The following CD36 variants were observed in gnomAD, a reference collection of about 807,000 sequenced individuals.
CD36 encodes the protein platelet glycoprotein 4.
A neutral mutation model predicts 55.2 loss-of-function variants in CD36; 119 were observed. That is an observed-to-expected ratio of 2.15 (90% CI 1.86 to 2.51). CD36 has a LOEUF of 2.51. Ranked by LOEUF, CD36 falls within the 30% of genes most tolerant of loss-of-function variation. The pLI, the probability that CD36 is intolerant of heterozygous loss-of-function variation, is 0.00. For synonymous variants in CD36, 186 were observed against 193.6 expected (o/e 0.96, Z 0.33); for missense variants, 819 against 555.5 (o/e 1.47, Z -4.77).
At chr7:80,656,150 CT>C (rs1201804165) in intron 3 of CD36, among the ~76,000 whole-genome samples, 1 of 152,096 alleles carries the variant, frequency 6.6e-6, no homozygotes, top group African/African-American at 2.4e-5. Context: ...ATCAGTCCAA[CT>C]TAGGGGCAGA....
At chr7:80,624,334 T>G (rs1461354623) in intron 1 of CD36, 1 of 152,162 alleles carries the variant, frequency 6.6e-6, no homozygotes, top group African/African-American at 2.4e-5. Context: ...TGCATTTCTC[T>G]CTCTTCTCTC....
At chr7:80,624,950 C>T (rs1186466626) in intron 1 of CD36, 7 of 152,088 alleles carry the variant, frequency 4.6e-5, no homozygotes, top group Non-Finnish European at 7.3e-5. Context: ...AGAGGTCACA[C>T]GCAGTCTCTG....
At chr7:80,667,742 CTTTTGTT>C (rs1263011667) in intron 8 of CD36, among the ~76,000 whole-genome samples, 1 of 92,940 alleles carries the variant, frequency 1.1e-5, no homozygotes, top group African/African-American at 3.8e-5. Flanking sequence ...CAGGGGTTTT[CTTTTGTT>C]TTTTTTTTTT....
intron 1 of CD36, among the ~76,000 whole-genome samples, chr7:80,626,412 G>A (rs1032304457): frequency 6.6e-6 from 1 of 152,060 alleles, no homozygotes; most frequent in East Asian, 1.9e-4. Context: ...ACTGTCTGCC[G>A]GTTACCAGGC....
chr7:80,671,134 G>GT lies in CD36; in HGVS notation c.976_977insT (p.Gly326ValfsTer27). 6.2e-7 allele frequency: 1 copy of GT among 1,612,570 alleles called. No individual in the cohort carries two copies. The highest frequency in any genetic ancestry group is 8.5e-7 in the Non-Finnish European group (1 of 1,179,202). The stretch of plus-strand genomic sequence containing the variant: ...TATCTCAAAAAATTGTACATCATAT[G>GT]GTGTGCTAGACATCAGCAAATGCAA... On this transcript the variant is annotated frameshift_variant, in exon 10 of 15. Coordinates refer to ENST00000447544, the MANE Select transcript of CD36 (RefSeq NM_001001548.3). LOFTEE classifies it high-confidence loss of function.
At chr7:80,655,920 CAA>C (rs111330088) in intron 3 of CD36, among the ~76,000 whole-genome samples, 22 of 95,320 alleles carry the variant, frequency 2.3e-4, no homozygotes, top group Admixed American at 3.4e-4. Context: ...TATCTTGTCT[CAA>C]AAAAAAAAAA....
intron 12 of CD36, 76 bp downstream of exon 12, chr7:80,672,919 C>G: frequency 1.1e-6 from 1 of 934,832 alleles, no homozygotes; most frequent in Non-Finnish European, 1.7e-6. Context: ...ATGAGTAAAT[C>G]TATGTAAGTA....
rs1171986481 is a variant in CD36 at position 80,677,688 on chromosome 7, G to A, written c.*1305G>A. The stretch of plus-strand genomic sequence containing the variant: ...ACAAGGTTTATTCTATTTGCATTAG[G>A]ATATTTGTGGACATGTCCATCTAAT... On this transcript the variant is annotated 3_prime_UTR_variant, in exon 15 of 15. Transcript: ENST00000447544. 6.6e-6 allele frequency: 1 copy of A among 152,136 alleles called. No individual in the cohort carries two copies. Among genetic ancestry groups the A allele is most frequent in the African/African-American group, 2.4e-5 (1 of 41,426 alleles). The allele number at this position is 152,136 out of a possible 1,614,324, so 9.4% of individuals were successfully genotyped here.
At chr7:80,619,879 AT>A (rs1793365173) in intron 1 of CD36, among the ~76,000 whole-genome samples, 1 of 152,206 alleles carries the variant, frequency 6.6e-6, no homozygotes, top group Admixed American at 6.5e-5. Context: ...AGAGAAGGAA[AT>A]AACTATAGAT....
intron 1 of CD36, among the ~76,000 whole-genome samples, chr7:80,641,430 C>T (rs1172283716): frequency 1.3e-5 from 2 of 151,960 alleles, no homozygotes; most frequent in Non-Finnish European, 2.9e-5. Flanking sequence ...CCCAAGTCCT[C>T]CAAAAACTAG....
chr7:80,668,321 G>A (rs1797317476), intron 8 of CD36, among the ~76,000 whole-genome samples: 1 of 152,092 alleles, frequency 6.6e-6, no homozygotes, highest in African/African-American at 2.4e-5. Context: ...GGGAAAATAG[G>A]GCTGATACAA....
chr7:80,625,228 T>G, intron 1 of CD36, among the ~76,000 whole-genome samples: 1 of 151,980 alleles, frequency 6.6e-6, no homozygotes, highest in East Asian at 1.9e-4. Context: ...TATAGAAAAA[T>G]GGGGGGTACT....
At chr7:80,671,628 G>A (rs1310743185) in intron 10 of CD36, among the ~76,000 whole-genome samples, 2 of 152,002 alleles carry the variant, frequency 1.3e-5, no homozygotes, top group Non-Finnish European at 2.9e-5. Flanking sequence ...TTGGAGACTA[G>A]CTTATCCTGT....
chr7:80,615,587 T>C (rs1793105475), intron 1 of CD36, among the ~76,000 whole-genome samples: 1 of 152,210 alleles, frequency 6.6e-6, no homozygotes, highest in Non-Finnish European at 1.5e-5. Flanking sequence ...TCACAATCTA[T>C]TCAAGACCAT....
intron 1 of CD36, among the ~76,000 whole-genome samples, chr7:80,612,907 G>A (rs971370598): frequency 2.0e-5 from 3 of 152,014 alleles, no homozygotes; most frequent in Non-Finnish European, 4.4e-5. Flanking sequence ...TTCATCATAA[G>A]CTTTGCTTAA....
chr7:80,672,098 T>TA, intron 11 of CD36, 58 bp downstream of exon 11: 1 of 1,302,528 alleles, frequency 7.7e-7, no homozygotes, highest in Non-Finnish European at 1.1e-6. Flanking sequence ...ACAATTGAAA[T>TA]AAAAATAATC....
intron 11 of CD36, 63 bp from the exon 12 acceptor site, chr7:80,672,707 G>GTTTTGAATAGTATAAAATAATGTT: frequency 8.6e-7 from 1 of 1,163,320 alleles, no homozygotes; most frequent in South Asian, 1.3e-5. Flanking sequence ...AGAAAAATAA[G>GTTTTGAATAGTATAAAATAATGTT]TTTTGAATAG....
intron 1 of CD36, among the ~76,000 whole-genome samples, chr7:80,621,407 A>G (rs763396449): frequency 6.6e-6 from 1 of 152,170 alleles, no homozygotes; most frequent in Non-Finnish European, 1.5e-5. Context: ...TCTCATCTGT[A>G]AACATGTGAC....
intron 1 of CD36, among the ~76,000 whole-genome samples, chr7:80,630,679 C>T (rs932252995): frequency 1.3e-5 from 2 of 151,818 alleles, no homozygotes; most frequent in Non-Finnish European, 2.9e-5. Context: ...TTCCTCCTGC[C>T]TATTTTGATT....
Sources: gnomAD v4.1 joint callset for allele counts (sites outside exome capture counted in the v4.1 genomes callset) on GRCh38, gnomAD v4.1.1 for gene constraint, MANE v1.5 for transcripts, NCBI Gene and HGNC (gene_info 2026-07-23, HGNC 2026-07-21) for gene names.